Variants in GALNT13 observed in about 807,000 individuals in gnomAD.
GALNT13 encodes UDP-GalNAc:polypeptide N-acetylgalactosaminyltransferase 13.
Under a neutral mutation model 64.2 loss-of-function variants are expected in GALNT13, and 28 were observed. The observed-to-expected ratio is 0.44, with a 90% CI of 0.32 to 0.60. GALNT13 has a LOEUF of 0.60. Ranked by LOEUF, GALNT13 falls within the 20% of genes least tolerant of loss-of-function variation. GALNT13 has a pLI of 0.05. For synonymous variants in GALNT13, 214 were observed against 224.6 expected (o/e 0.95, Z 0.42); for missense variants, 577 against 669.8 (o/e 0.86, Z 1.53).
At chr2:153,628,646 A>G in the GALNT13 span, among the ~76,000 whole-genome samples, 2 of 152,162 alleles carry the variant, frequency 1.3e-5, no homozygotes, top group Non-Finnish European at 2.9e-5. Flanking sequence ...GCTGGATTAC[A>G]TTTATTGATT....
At chr2:153,827,405 C>T in the GALNT13 span, among the ~76,000 whole-genome samples, 10 of 152,142 alleles carry the variant, frequency 6.6e-5, no homozygotes, top group South Asian at 2.1e-4. Flanking sequence ...GGGTGGACCA[C>T]GAGGTCAGGA....
chr2:153,896,824 T>C (rs1474137127), intron 1 of GALNT13, among the ~76,000 whole-genome samples: 1 of 152,212 alleles, frequency 6.6e-6, no homozygotes, highest in Non-Finnish European at 1.5e-5. Flanking sequence ...ATTCTGTAAT[T>C]CCTAAATATA....
At chr2:154,159,064 C>A (rs1275973699) in intron 4 of GALNT13, among the ~76,000 whole-genome samples, 1 of 151,826 alleles carries the variant, frequency 6.6e-6, no homozygotes, top group African/African-American at 2.4e-5. Flanking sequence ...AAACATATTT[C>A]TTTTCTCACT....
At chr2:153,919,549 T>C (rs140192451) in intron 2 of GALNT13, among the ~76,000 whole-genome samples, 1 of 151,968 alleles carries the variant, frequency 6.6e-6, no homozygotes, top group African/African-American at 2.4e-5. Context: ...ATTTAGAACT[T>C]CTAGATTATA....
chr2:153,509,387 C>G, the GALNT13 span, among the ~76,000 whole-genome samples: 8 of 152,352 alleles, frequency 5.3e-5, no homozygotes, highest in East Asian at 1.2e-3. Context: ...GCCTCCCCTG[C>G]TGCAGCTGGA....
At chr2:154,272,746 G>A (rs1691422912) in intron 8 of GALNT13, among the ~76,000 whole-genome samples, 1 of 152,002 alleles carries the variant, frequency 6.6e-6, no homozygotes, top group African/African-American at 2.4e-5. Flanking sequence ...CATTTGAAAT[G>A]TCCCTGAAAT....
At chr2:153,432,116 G>T in the GALNT13 span, among the ~76,000 whole-genome samples, 1 of 149,964 alleles carries the variant, frequency 6.7e-6, no homozygotes, top group Non-Finnish European at 1.5e-5. Flanking sequence ...GAAAAAAAAG[G>T]AGAAGGAATT....
chr2:154,065,106 G>T (rs1165205707), intron 3 of GALNT13, among the ~76,000 whole-genome samples: 2 of 152,148 alleles, frequency 1.3e-5, no homozygotes, highest in African/African-American at 2.4e-5. Flanking sequence ...CTCTTTGTGG[G>T]TCTGTGGCAG....
chr2:153,735,755 C>T, the GALNT13 span, among the ~76,000 whole-genome samples: 1 of 152,140 alleles, frequency 6.6e-6, no homozygotes, highest in Non-Finnish European at 1.5e-5. Context: ...ATCCCTCAAC[C>T]TGGTTTGTCT....
chr2:153,450,558 C>G, the GALNT13 span, among the ~76,000 whole-genome samples: 1 of 145,196 alleles, frequency 6.9e-6, no homozygotes, highest in African/African-American at 2.6e-5. Flanking sequence ...ATAATTGAGT[C>G]CTATACCCCT....
At chr2:153,925,131 G>A (rs1690032827) in intron 2 of GALNT13, among the ~76,000 whole-genome samples, 2 of 152,116 alleles carry the variant, frequency 1.3e-5, no homozygotes, top group Admixed American at 6.6e-5. Flanking sequence ...CTTGGCCTGT[G>A]CCTATGTCCT....
the GALNT13 span, among the ~76,000 whole-genome samples, chr2:153,383,027 T>C: frequency 6.6e-6 from 1 of 152,224 alleles, no homozygotes; most frequent in South Asian, 2.1e-4. Flanking sequence ...ATTTAAATAA[T>C]TCTTTTTTAA....
At chr2:153,921,570 AT>A (rs1689760391) in intron 2 of GALNT13, among the ~76,000 whole-genome samples, 1 of 152,122 alleles carries the variant, frequency 6.6e-6, no homozygotes, top group Non-Finnish European at 1.5e-5. Flanking sequence ...GTGACAAGCA[AT>A]TTACCTGTAT....
chr2:154,229,485 A>G (rs1688802607), intron 4 of GALNT13, among the ~76,000 whole-genome samples: 1 of 152,196 alleles, frequency 6.6e-6, no homozygotes, highest in Non-Finnish European at 1.5e-5. Flanking sequence ...TACCATCAGG[A>G]ATTTTCCACA....
the GALNT13 span, among the ~76,000 whole-genome samples, chr2:153,375,729 G>A: frequency 1.3e-5 from 2 of 152,118 alleles, no homozygotes; most frequent in African/African-American, 4.8e-5. Flanking sequence ...GTCAGTAAAA[G>A]CTTCAAGTAG....
chr2:154,298,621 ACATT>A (rs1693152477), intron 8 of GALNT13, among the ~76,000 whole-genome samples: 3 of 94,166 alleles, frequency 3.2e-5, no homozygotes, highest in Non-Finnish European at 6.3e-5. Flanking sequence ...ATTTATATAT[ACATT>A]GTATATATAA....
intron 2 of GALNT13, among the ~76,000 whole-genome samples, chr2:153,922,846 A>C (rs1280370686): frequency 6.6e-6 from 1 of 151,992 alleles, no homozygotes; most frequent in African/African-American, 2.4e-5. Context: ...AATTATATTA[A>C]AGTAATAAGG....
In GALNT13 at chr2:154,450,346, TATC is replaced by T. The variant is rs1390680174; in HGVS notation, c.1531-64_1531-62del. ...AAAGGATTTTTTAAAGAACAGATTT[TATC>T]TGATGTGCTAGCAAAGCTAAAGACG... On this transcript the variant is annotated intron_variant, in intron 12 of 12. Coordinates refer to ENST00000392825, the MANE Select transcript of GALNT13 (RefSeq NM_052917.4). 1.6e-4 allele frequency: 222 copies of T among 1,415,148 alleles called. 3 individuals are homozygous for T. Among genetic ancestry groups the T allele is most frequent in the Admixed American group, 4.2e-5 (2 of 47,222 alleles). The allele number at this position is 1,415,148 out of a possible 1,614,324, so 87.7% of individuals were successfully genotyped here. A position where few individuals can be genotyped will look rare whatever the true frequency, so the allele number is the denominator to read the frequency against.
intron 8 of GALNT13, among the ~76,000 whole-genome samples, chr2:154,280,874 C>T (rs1015381726): frequency 6.6e-6 from 1 of 152,174 alleles, no homozygotes; most frequent in Non-Finnish European, 1.5e-5. Context: ...ACCTACATAT[C>T]ATTTAAGAAA....
Sources: allele counts gnomAD v4.1 joint callset (sites outside exome capture counted in the v4.1 genomes callset), GRCh38; gene constraint gnomAD v4.1.1; transcripts MANE v1.5; gene names NCBI Gene and HGNC (gene_info 2026-07-23, HGNC 2026-07-21).